Variants in ZC3H18 observed in about 807,000 individuals in gnomAD.
ZC3H18 encodes the protein zinc finger CCCH-type containing 18.
Under a neutral mutation model 106.1 loss-of-function variants are expected in ZC3H18, and 8 were observed. The ratio of observed to expected loss-of-function variants is 0.08; its 90% CI spans 0.04 to 0.14. The LOEUF (loss-of-function observed/expected upper bound fraction) is 0.14. Ranked by LOEUF, ZC3H18 falls within the 10% of genes least tolerant of loss-of-function variation. ZC3H18 has a pLI of 1.00. For missense variants in ZC3H18, 1,318 were observed against 1,278.4 expected, an observed-to-expected ratio of 1.03 and a Z score of -0.47; for synonymous variants, 635 against 522.1, an observed-to-expected ratio of 1.22 and a Z score of -2.95.
chr16:88,618,554 C>T (rs190611094), intron 8 of ZC3H18, among the ~76,000 whole-genome samples: 115 of 152,342 alleles, frequency 7.5e-4, no homozygotes, highest in Admixed American at 1.9e-3. Context: ...AGCAGCCTGG[C>T]ATCTGTGGCG....
intron 6 of ZC3H18, among the ~76,000 whole-genome samples, chr16:88,607,598 A>C (rs528140564): frequency 1.3e-5 from 2 of 152,004 alleles, no homozygotes; most frequent in East Asian, 3.9e-4. Context: ...GCGTCTCCCC[A>C]TTTATTCACA....
chr16:88,608,841 C>A, intron 6 of ZC3H18, 93 bp from the exon 7 acceptor site: 1 of 1,063,232 alleles, frequency 9.4e-7, no homozygotes, highest in Non-Finnish European at 1.4e-6. Flanking sequence ...CACTGCGTCA[C>A]GGTCTGTTAC....
intron 3 of ZC3H18, among the ~76,000 whole-genome samples, chr16:88,596,873 G>A (rs12444298): frequency 0.38 from 58,536 of 152,054 alleles, 11,903 homozygotes; most frequent in East Asian, 0.57. Flanking sequence ...TCTCTCTGAG[G>A]CTCTGGATTT....
chr16:88,574,557 C>T (rs893322894), intron 1 of ZC3H18, among the ~76,000 whole-genome samples: 12 of 151,292 alleles, frequency 7.9e-5, no homozygotes, highest in African/African-American at 2.4e-4. Flanking sequence ...GTCAGGGTCT[C>T]ACTCTGTCAC....
intron 1 of ZC3H18, among the ~76,000 whole-genome samples, chr16:88,576,029 T>C (rs943022838): frequency 1.1e-4 from 16 of 152,208 alleles, no homozygotes; most frequent in Non-Finnish European, 2.4e-4. Context: ...GCCTCCTGAA[T>C]AGCTGGGACT....
At chr16:88,623,931 T>C in intron 10 of ZC3H18, 27 bp from the exon 11 acceptor site, 1 of 1,587,484 alleles carries the variant, frequency 6.3e-7, no homozygotes, top group East Asian at 2.3e-5. Flanking sequence ...CCCAGGCCCC[T>C]TCCGACACCT....
intron 3 of ZC3H18, 104 bp downstream of exon 3, chr16:88,586,788 T>C (rs1915464214): frequency 1.2e-6 from 1 of 833,220 alleles, no homozygotes; most frequent in African/African-American, 1.7e-5. Context: ...TCAAGGCAGT[T>C]CTCTGGGCAT....
intron 6 of ZC3H18, among the ~76,000 whole-genome samples, chr16:88,608,289 A>G (rs1378681805): frequency 6.6e-6 from 1 of 151,638 alleles, no homozygotes; most frequent in Non-Finnish European, 1.5e-5. Context: ...TAAGGTGCTG[A>G]CTTTTGTTCC....
chr16:88,605,948 C>T (rs768825741), intron 6 of ZC3H18, among the ~76,000 whole-genome samples: 3 of 152,222 alleles, frequency 2.0e-5, no homozygotes, highest in Admixed American at 6.5e-5. Flanking sequence ...CTGAGTCTGA[C>T]GCTGCCCAGA....
chr16:88,614,383 A>G (rs1006730164), intron 8 of ZC3H18, among the ~76,000 whole-genome samples: 6 of 152,216 alleles, frequency 3.9e-5, no homozygotes, highest in Admixed American at 1.3e-4. Context: ...GTGTGGCTGG[A>G]CGACACCCGC....
chr16:88,598,603 T>G lies in ZC3H18; in HGVS notation c.838-17T>G, dbSNP rs1275759256. The G allele has an allele frequency of 1.3e-6, 2 of 1,599,890 alleles. No individual in the cohort carries two copies. Among genetic ancestry groups the G allele is most frequent in the African/African-American group, 2.7e-5 (2 of 74,534 alleles). On this transcript the variant is annotated splice_polypyrimidine_tract_variant and intron_variant, in intron 4 of 17. Coordinates refer to ENST00000301011, the MANE Select transcript of ZC3H18 (RefSeq NM_144604.4). ...AAGTTTTACTTTCTCACCTTCTCCC[T>G]TCTCGTTTTTCAATAGGGTGGGCCG... is the stretch of plus-strand genomic sequence containing the variant.
At chr16:88,582,995 A>G (rs1915223709) in intron 2 of ZC3H18, among the ~76,000 whole-genome samples, 1 of 152,196 alleles carries the variant, frequency 6.6e-6, no homozygotes, top group Non-Finnish European at 1.5e-5. Flanking sequence ...TTAAGGAATG[A>G]TAGACCCGTA....
intron 3 of ZC3H18, among the ~76,000 whole-genome samples, chr16:88,593,418 A>G (rs1904306766): frequency 6.6e-6 from 1 of 152,282 alleles, no homozygotes; most frequent in Admixed American, 6.5e-5. Context: ...GGAGGTCGGC[A>G]CAAGATTTCA....
chr16:88,611,410 A>C lies in ZC3H18; in HGVS notation c.1349A>C (p.Lys450Thr). The C allele has an allele frequency of 7.8e-7, 1 of 1,288,664 alleles. No homozygotes were observed. The highest frequency in any genetic ancestry group is 1.1e-6 in the Non-Finnish European group (1 of 906,926). 79.8% of individuals were successfully genotyped at this position (1,288,664 alleles called of 1,614,324 possible). Residue 450 changes from lysine to threonine, a missense_variant, in exon 8 of 18, where the codon AAG becomes ACG. Coordinates refer to ENST00000301011, the MANE Select transcript of ZC3H18 (RefSeq NM_144604.4). ...CGCGACAAGGAGCGGCAGCGGAGGAAGGAGGAGTGGGAGCGTGAGCGAGCC... is the reference window on the plus strand; with the variant it reads ...CGCGACAAGGAGCGGCAGCGGAGGACGGAGGAGTGGGAGCGTGAGCGAGCC... Reference protein sequence around the residue: ...RERDKERQRRKEEWERERAKR... With the variant: ...RERDKERQRRTEEWERERAKR...
At chr16:88,588,165 C>T (rs1029717746) in intron 3 of ZC3H18, among the ~76,000 whole-genome samples, 4 of 152,194 alleles carry the variant, frequency 2.6e-5, no homozygotes, top group Non-Finnish European at 5.9e-5. Context: ...AAGCAGAAGA[C>T]CTCTTTTCCA....
At position 88,631,478 on chromosome 16, in the gene ZC3H18, T is replaced by A; in HGVS notation, c.*179T>A. ...ATGACAACGACGCTGAATCCCAGCC[T>A]CCCTCCCCAGAGCAGAAGTCCCGCA... is the stretch of plus-strand genomic sequence containing the variant. On this transcript the variant is annotated 3_prime_UTR_variant, in exon 18 of 18. Transcript: ENST00000301011. 1.2e-6 allele frequency: 1 copy of A among 826,976 alleles called. No homozygotes were observed. Among genetic ancestry groups the A allele is most frequent in the Non-Finnish European group, 1.9e-6 (1 of 521,058 alleles). 51.2% of individuals were successfully genotyped at this position (826,976 alleles called of 1,614,324 possible). A position where few individuals can be genotyped will look rare whatever the true frequency, so the allele number is the denominator to read the frequency against.
chr16:88,587,468 C>A, intron 3 of ZC3H18: 1 of 1,282,244 alleles, frequency 7.8e-7, no homozygotes, highest in South Asian at 1.3e-5. Context: ...TGCTGTAAGC[C>A]CATAGATGAC....
chr16:88,592,813 T>G (rs1205498205), intron 3 of ZC3H18, among the ~76,000 whole-genome samples: 2 of 152,260 alleles, frequency 1.3e-5, no homozygotes, highest in Admixed American at 6.5e-5. Context: ...AATGCCACTT[T>G]ACTTCATGTC....
intron 2 of ZC3H18, among the ~76,000 whole-genome samples, chr16:88,578,866 T>C (rs1447003564): frequency 6.6e-6 from 1 of 152,172 alleles, no homozygotes; most frequent in Non-Finnish European, 1.5e-5. Flanking sequence ...TTTTGTATTT[T>C]TCGTAGAGAT....
Sources: gnomAD v4.1 joint callset for allele counts (sites outside exome capture counted in the v4.1 genomes callset) on GRCh38, gnomAD v4.1.1 for gene constraint, MANE v1.5 for transcripts, NCBI Gene and HGNC (gene_info 2026-07-23, HGNC 2026-07-21) for gene names.